The following TMEM131 variants were observed in gnomAD, a reference collection of about 807,000 sequenced individuals.
TMEM131 encodes the protein 2610524E03Rik.
A neutral mutation model predicts 211.6 loss-of-function variants in TMEM131; 66 were observed. That is an observed-to-expected ratio of 0.31 (90% CI 0.26 to 0.38). The LOEUF is 0.38. TMEM131 is among the 10% of genes least tolerant of loss of function. TMEM131 has a pLI of 1.00. For missense variants in TMEM131, 2,036 were observed against 2,299.3 expected (o/e 0.89, Z 2.34); for synonymous variants, 844 against 841.3 (o/e 1.00, Z -0.06).
At chr2:97,803,709 T>C (rs776492260) in intron 22 of TMEM131, among the ~76,000 whole-genome samples, 34 of 152,162 alleles carry the variant, frequency 2.2e-4, no homozygotes, top group Non-Finnish European at 4.6e-4. Flanking sequence ...GCACTCAAGA[T>C]AGACAGGGAG....
intron 31 of TMEM131, among the ~76,000 whole-genome samples, chr2:97,791,867 G>T (rs1680513794): frequency 6.6e-6 from 1 of 152,150 alleles, no homozygotes; most frequent in African/African-American, 2.4e-5. Context: ...TATTGTTTTG[G>T]TCACAATTAC....
At chr2:97,812,387 C>T (rs1353851390) in intron 17 of TMEM131, 34 bp downstream of exon 17, 15 of 1,578,422 alleles carry the variant, frequency 9.5e-6, no homozygotes, top group Non-Finnish European at 1.3e-5. Context: ...AGACATCCAT[C>T]TTACTTTAAG....
chr2:97,867,698 T>G (rs1674328164), intron 4 of TMEM131, among the ~76,000 whole-genome samples: 1 of 152,140 alleles, frequency 6.6e-6, no homozygotes, highest in Admixed American at 6.5e-5. Context: ...ACCCAGTCCT[T>G]TCTGAAATGT....
At chr2:97,798,968 T>A (rs1044604409) in intron 25 of TMEM131, among the ~76,000 whole-genome samples, 3 of 152,208 alleles carry the variant, frequency 2.0e-5, no homozygotes, top group Admixed American at 6.5e-5. Flanking sequence ...AACTTTAAGA[T>A]GTTGTGATGC....
intron 1 of TMEM131, among the ~76,000 whole-genome samples, chr2:97,968,744 A>G (rs551220862): frequency 2.0e-5 from 3 of 152,140 alleles, no homozygotes; most frequent in South Asian, 2.1e-4. Context: ...TCCTTCCCCA[A>G]CTTCTCATTT....
intron 5 of TMEM131, among the ~76,000 whole-genome samples, chr2:97,846,277 T>C (rs375855003): frequency 6.6e-6 from 1 of 152,122 alleles, no homozygotes; most frequent in Non-Finnish European, 1.5e-5. Flanking sequence ...TTCGTAAACA[T>C]AGAAACACAA....
rs77197492 is a variant in TMEM131, at chr2:97,799,667, C to T, written c.2719-2151G>A. Among the ~76,000 whole-genome samples, 520 of 152,218 alleles carry T rather than the reference C, an allele frequency of 3.4e-3. 7 individuals are homozygous for T. In the East Asian group the frequency reaches 0.041, roughly 12 times the overall value. On this transcript the variant is annotated intron_variant, in intron 25 of 40. Transcript: ENST00000186436. ...CTGATGAGCCTGGTGGTTAGATTAG[C>T]GAGGATGATTCATTTTTGGATAGTG...
At chr2:97,948,463 A>G (rs887251468) in intron 1 of TMEM131, among the ~76,000 whole-genome samples, 1 of 152,210 alleles carries the variant, frequency 6.6e-6, no homozygotes, top group Non-Finnish European at 1.5e-5. Flanking sequence ...GATGCTCAAA[A>G]TCCTTAGTCA....
chr2:97,779,710 T>C (rs888927749), intron 31 of TMEM131, among the ~76,000 whole-genome samples: 2 of 152,132 alleles, frequency 1.3e-5, no homozygotes, highest in African/African-American at 2.4e-5. Flanking sequence ...ACAGTAATAA[T>C]GTATGGTCAA....
At chr2:97,961,026 C>T (rs567769855) in intron 1 of TMEM131, among the ~76,000 whole-genome samples, 2 of 151,700 alleles carry the variant, frequency 1.3e-5, no homozygotes, top group African/African-American at 4.8e-5. Flanking sequence ...ACTTCCTCAG[C>T]GATTATGAAC....
chr2:97,757,085 GT>G lies in TMEM131; in HGVS notation c.*13del. Reference sequence around the variant, plus strand: ...AGACGAGGGCCCACTATGTTTGTTTGTTTTTTGCTTAATTTAATTCTCGTGA... The same window carrying G: ...AGACGAGGGCCCACTATGTTTGTTTGTTTTTGCTTAATTTAATTCTCGTGA... On this transcript the variant is annotated 3_prime_UTR_variant, in exon 41 of 41. Coordinates refer to ENST00000186436, the MANE Select transcript of TMEM131 (RefSeq NM_015348.2). 1 of 1,571,882 alleles carries G rather than the reference GT, an allele frequency of 6.4e-7. No homozygotes were observed. Among genetic ancestry groups the G allele is most frequent in the Non-Finnish European group, 8.7e-7 (1 of 1,155,306 alleles).
chr2:97,887,954 C>T, intron 4 of TMEM131, 98 bp downstream of exon 4: 8 of 927,522 alleles, frequency 8.6e-6, no homozygotes, highest in Non-Finnish European at 1.2e-5. Flanking sequence ...ATGTAACTTT[C>T]CCACATAGAT....
At chr2:97,847,069 CTGGG>C (rs1374251384) in intron 5 of TMEM131, among the ~76,000 whole-genome samples, 5 of 3,468 alleles carry the variant, frequency 1.4e-3, no homozygotes, top group Admixed American at 3.7e-3. Context: ...GTCCCAGCTA[CTGGG>C]GGGGGGGGGG....
At chr2:97,786,433 G>T (rs1029601979) in intron 31 of TMEM131, among the ~76,000 whole-genome samples, 1 of 152,128 alleles carries the variant, frequency 6.6e-6, no homozygotes, top group Non-Finnish European at 1.5e-5. Flanking sequence ...TACTTGGGAG[G>T]CTGAGGTGGA....
In TMEM131 at chr2:97,757,395, C is replaced by T. The variant is rs1559337896; in HGVS notation, c.5368-12G>A. 6.3e-7 allele frequency: 1 copy of T among 1,580,220 alleles called. No individual in the cohort carries two copies. Among genetic ancestry groups the T allele is most frequent in the Admixed American group, 1.7e-5 (1 of 57,878 alleles). On this transcript the variant is annotated splice_polypyrimidine_tract_variant and intron_variant, in intron 40 of 40. Transcript: ENST00000186436. The stretch of plus-strand genomic sequence containing the variant: ...TTACCGAGGACCGACTGCGACAAAA[C>T]AGAAAGCGTCCAGCACTGAGCCCGG...
intron 3 of TMEM131, among the ~76,000 whole-genome samples, chr2:97,898,847 G>C (rs1374717638): frequency 6.6e-6 from 1 of 151,896 alleles, no homozygotes; most frequent in Non-Finnish European, 1.5e-5. Context: ...AAAATATCTG[G>C]ATTTTCATTG....
At chr2:97,882,059 C>T (rs1022327553) in intron 4 of TMEM131, among the ~76,000 whole-genome samples, 57 of 152,346 alleles carry the variant, frequency 3.7e-4, no homozygotes, top group African/African-American at 1.3e-3. Flanking sequence ...CCCAAGACTA[C>T]TTTCAAGTTT....
At chr2:97,846,984 T>C (rs1294614729) in intron 5 of TMEM131, among the ~76,000 whole-genome samples, 2 of 146,692 alleles carry the variant, frequency 1.4e-5, no homozygotes, top group East Asian at 2.0e-4. Flanking sequence ...ATTGAGACCA[T>C]CCTGGCCAAC....
chr2:97,861,436 C>T (rs922326763), intron 4 of TMEM131, among the ~76,000 whole-genome samples: 6 of 151,618 alleles, frequency 4.0e-5, no homozygotes, highest in Non-Finnish European at 8.8e-5. Flanking sequence ...ATCTTGGATA[C>T]CAGCTCAGCC....
Sources: allele counts gnomAD v4.1 joint callset (sites outside exome capture counted in the v4.1 genomes callset), GRCh38; gene constraint gnomAD v4.1.1; transcripts MANE v1.5; gene names NCBI Gene and HGNC (gene_info 2026-07-23, HGNC 2026-07-21).